Variants in DENND1A observed in about 807,000 individuals in gnomAD.
The protein encoded by DENND1A is DENN domain-containing protein 1A.
Under a neutral mutation model 113.7 loss-of-function variants are expected in DENND1A, and 51 were observed. The ratio of observed to expected loss-of-function variants is 0.45; its 90% confidence interval spans 0.36 to 0.57. DENND1A has a LOEUF of 0.57. Among genes scored for constraint, DENND1A ranks in the 20% least tolerant of loss-of-function variants. The pLI is 0.00. For synonymous variants in DENND1A, 565 were observed against 570.8 expected, an observed-to-expected ratio of 0.99 and a Z score of 0.14; for missense variants, 1,258 against 1,395.9, an observed-to-expected ratio of 0.90 and a Z score of 1.57.
chr9:123,808,139 T>C lies in DENND1A; in HGVS notation c.89-15509A>G, dbSNP rs1398779921. On this transcript the variant is annotated intron_variant, in intron 2 of 23. Transcript: ENST00000394215. ...TACTCAGGAGGCTGAGGCAGGAGAA[T>C]TGCTTGAACTCGGGGGTCAGAGGTT... Among the ~76,000 whole-genome samples, 4 of 152,066 alleles carry C rather than the reference T, an allele frequency of 2.6e-5. No homozygotes were observed. In the East Asian group the frequency reaches 7.8e-4, roughly 29 times the overall value.
intron 2 of DENND1A, among the ~76,000 whole-genome samples, chr9:123,808,763 A>G (rs1836037209): frequency 6.6e-6 from 1 of 152,172 alleles, no homozygotes; most frequent in African/African-American, 2.4e-5. Context: ...TTCCTTAGAA[A>G]AGGTGAGACA....
chr9:123,897,098 T>A (rs1272262860), intron 1 of DENND1A, among the ~76,000 whole-genome samples: 1 of 152,162 alleles, frequency 6.6e-6, no homozygotes, highest in Non-Finnish European at 1.5e-5. Context: ...TGGCTCCCAG[T>A]AACAGGCACA....
intron 2 of DENND1A, among the ~76,000 whole-genome samples, chr9:123,838,495 T>C (rs951720123): frequency 4.6e-5 from 7 of 152,234 alleles, no homozygotes; most frequent in South Asian, 2.1e-4. Flanking sequence ...TGAGGAGCAA[T>C]TGCAGAATCT....
At position 123,929,865 on chromosome 9, in the gene DENND1A, TCCGCCCGGCCCGGCC is replaced by T; in HGVS notation, c.17+9_17+23del. The T allele has an allele frequency of 3.9e-6, 1 of 257,032 alleles. No individual in the cohort carries two copies. The highest frequency in any genetic ancestry group is 8.5e-5 in the South Asian group (1 of 11,762). The allele number at this position is 257,032 out of a possible 1,614,324, so 15.9% of individuals were successfully genotyped here. A position where few individuals can be genotyped will look rare whatever the true frequency, so the allele number is the denominator to read the frequency against. Reference sequence around the variant, plus strand: ...CTCGCCGCCCCGCGCCCGGCCCGGCTCCGCCCGGCCCGGCCGCACTCACTTGATCCTGGAGCCCAT... The same window carrying T: ...CTCGCCGCCCCGCGCCCGGCCCGGCTGCACTCACTTGATCCTGGAGCCCAT... On this transcript the variant is annotated intron_variant, in intron 1 of 23. Coordinates refer to ENST00000394215, the MANE Select transcript of DENND1A (RefSeq NM_001352964.2).
At position 123,728,479 on chromosome 9, in the gene DENND1A, CAAAAAAAAAAA is replaced by C. The variant is rs60761810; in HGVS notation, c.302+29213_302+29223del. ...GCAACAATTGCAAAACTCTGTCTCC[CAAAAAAAAAAA>C]AAAAAAAAAAAAAAAAAAAACAGGC... On this transcript the variant is annotated intron_variant, in intron 5 of 23. Transcript: ENST00000394215. Among the ~76,000 whole-genome samples, 248 of 25,198 alleles carry C rather than the reference CAAAAAAAAAAA, an allele frequency of 9.8e-3. 5 individuals are homozygous for C. The highest frequency in any genetic ancestry group is 0.029 in the African/African-American group (193 of 6,670). The allele number at this position is 25,198 out of a possible 152,430, so 16.5% of individuals were successfully genotyped here.
intron 12 of DENND1A, among the ~76,000 whole-genome samples, chr9:123,578,514 G>C (rs1380442289): frequency 6.6e-6 from 1 of 152,144 alleles, no homozygotes; most frequent in East Asian, 1.9e-4. Context: ...CAAAATGCTG[G>C]GATTATAGGC....
intron 5 of DENND1A, among the ~76,000 whole-genome samples, chr9:123,696,301 C>T (rs147739345): frequency 0.019 from 2,927 of 152,286 alleles, 66 homozygotes; most frequent in Non-Finnish European, 0.025. Context: ...ATGGCAGTTC[C>T]TGTACTTTAA....
intron 13 of DENND1A, among the ~76,000 whole-genome samples, chr9:123,483,281 T>G (rs2050501957): frequency 6.6e-6 from 1 of 152,182 alleles, no homozygotes; most frequent in Non-Finnish European, 1.5e-5. Flanking sequence ...GACTATGTTT[T>G]CAGTACCTTG....
At position 123,422,009 on chromosome 9, in the gene DENND1A, T is replaced by C. The variant is rs2045347779; in HGVS notation, c.1489-10180A>G. On this transcript the variant is annotated intron_variant, in intron 19 of 23. Transcript: ENST00000394215. This position sits in a 1 kb window ranked among gnomAD's most constrained non-coding sequence, Gnocchi z 4.8. The stretch of plus-strand genomic sequence containing the variant: ...CTCACTCACCCACCTGATGGATCCC[T>C]GCATCCCTCACGACTCTGTTCCCTT... 2.0e-5 allele frequency among the ~76,000 whole-genome samples: 3 copies of C among 152,162 alleles called. No individual in the cohort carries two copies. The highest frequency in any genetic ancestry group is 2.9e-5 in the Non-Finnish European group (2 of 68,012).
intron 8 of DENND1A, among the ~76,000 whole-genome samples, chr9:123,666,424 G>C (rs879793486): frequency 3.3e-5 from 5 of 152,144 alleles, no homozygotes; most frequent in Non-Finnish European, 5.9e-5. Flanking sequence ...TTTGGAGGTA[G>C]GGATGGAGGC....
Position 123,736,909 on chromosome 9 carries a change from T to C in DENND1A, c.302+20794A>G, listed in dbSNP as rs114740453. ...AATCCAGGTCCTAAAACTACTCATC[T>C]TTCTGCTATCCTACACTGATGCCAA... On this transcript the variant is annotated intron_variant, in intron 5 of 23. Coordinates refer to ENST00000394215, the MANE Select transcript of DENND1A (RefSeq NM_001352964.2). Among the ~76,000 whole-genome samples the C allele has an allele frequency of 7.0e-3, 1,062 of 152,342 alleles. 12 individuals are homozygous for C. Among genetic ancestry groups the C allele is most frequent in the African/African-American group, 0.024 (1,011 of 41,584 alleles).
chr9:123,916,872 C>T (rs1038815831), intron 1 of DENND1A, among the ~76,000 whole-genome samples: 2 of 151,852 alleles, frequency 1.3e-5, no homozygotes, highest in African/African-American at 2.4e-5. Flanking sequence ...GTAATTCCAA[C>T]AGATTAAAAG....
intron 2 of DENND1A, among the ~76,000 whole-genome samples, chr9:123,805,713 TG>T (rs1835430738): frequency 6.6e-6 from 1 of 152,102 alleles, no homozygotes; most frequent in South Asian, 2.1e-4. Flanking sequence ...GGATTACAGG[TG>T]GGAGCCACTG....
At chr9:123,450,777 A>T in intron 17 of DENND1A, 28 bp from the exon 18 acceptor site, 1 of 1,589,132 alleles carries the variant, frequency 6.3e-7, no homozygotes. Context: ...TTAAGTTAAG[A>T]TTCCCTTTCT....
chr9:123,599,269 A>G (rs2137314305), intron 11 of DENND1A, among the ~76,000 whole-genome samples: 1 of 152,332 alleles, frequency 6.6e-6, no homozygotes, highest in Non-Finnish European at 1.5e-5. Context: ...GAATCAAACA[A>G]TATGTAAAGA....
In DENND1A at chr9:123,761,492, T is replaced by C. The variant is rs1019056115; in HGVS notation, c.183-3670A>G. ...ATATCTGTGAGTAGAGGAAGAAGTC[T>C]GCTTTCTTTTCTCTCTTGCCTGTTG... On this transcript the variant is annotated intron_variant, in intron 4 of 23. Coordinates refer to ENST00000394215, the MANE Select transcript of DENND1A (RefSeq NM_001352964.2). Among the ~76,000 whole-genome samples, 4 of 152,212 alleles carry C rather than the reference T, an allele frequency of 2.6e-5. No individual in the cohort carries two copies. The South Asian group carries it at 8.3e-4, about 32-fold the overall frequency.
intron 5 of DENND1A, among the ~76,000 whole-genome samples, chr9:123,707,993 C>G (rs2066339617): frequency 6.6e-6 from 1 of 152,090 alleles, no homozygotes; most frequent in Non-Finnish European, 1.5e-5. Context: ...TGGTTTTGTT[C>G]TTGCTAGGAA....
intron 13 of DENND1A, among the ~76,000 whole-genome samples, chr9:123,471,384 CTT>C (rs1229468209): frequency 1.3e-5 from 2 of 152,266 alleles, no homozygotes; most frequent in East Asian, 3.9e-4. Flanking sequence ...GGGCTTGACT[CTT>C]AGCGGAGGGG....
intron 2 of DENND1A, among the ~76,000 whole-genome samples, chr9:123,834,693 C>T (rs1840791123): frequency 6.6e-6 from 1 of 152,108 alleles, no homozygotes; most frequent in Non-Finnish European, 1.5e-5. Flanking sequence ...AGAAACAAAA[C>T]GGACTTCTCA....
Sources: gnomAD v4.1 joint callset for allele counts (sites outside exome capture counted in the v4.1 genomes callset) on GRCh38, gnomAD v4.1.1 for gene constraint, Gnocchi (gnomAD v3.1) non-coding constraint, MANE v1.5 for transcripts, NCBI Gene and HGNC (gene_info 2026-07-23, HGNC 2026-07-21) for gene names.